Variants in PER3 observed in about 807,000 individuals in gnomAD.
The protein encoded by PER3 is period circadian protein homolog 3.
Under a neutral mutation model 127.2 loss-of-function variants are expected in PER3, and 107 were observed. The ratio of observed to expected loss-of-function variants is 0.84; its 90% confidence interval spans 0.72 to 0.99. The LOEUF (loss-of-function observed/expected upper bound fraction) is 0.99. Among genes scored for constraint, PER3 ranks in the 50% least tolerant of loss-of-function variants. The pLI is 0.00. For synonymous variants in PER3, 618 were observed against 585.8 expected (o/e 1.05, Z -0.79); for missense variants, 1,560 against 1,525.8 (o/e 1.02, Z -0.37).
rs145634546 is a variant in PER3 at position 7,794,479 on chromosome 1, G to A, written c.644+471G>A. 5.6e-3 allele frequency among the ~76,000 whole-genome samples: 855 copies of A among 152,082 alleles called. 8 individuals carry two copies. Among genetic ancestry groups the A allele is most frequent in the African/African-American group, 0.02 (821 of 41,486 alleles). On this transcript the variant is annotated intron_variant, in intron 6 of 21. Transcript: ENST00000377532. ...TTGCACTCCAGCCTGGCAACAGAGCGAGACTCTGTCTCAAAAAAAATAAAA... is the reference window on the plus strand; with the variant it reads ...TTGCACTCCAGCCTGGCAACAGAGCAAGACTCTGTCTCAAAAAAAATAAAA...
At chr1:7,789,716 C>T (rs1577629024) in intron 5 of PER3, among the ~76,000 whole-genome samples, 1 of 152,160 alleles carries the variant, frequency 6.6e-6, no homozygotes, top group African/African-American at 2.4e-5. Context: ...GAAATTCTAT[C>T]TACTATTTCT....
At position 7,797,636 on chromosome 1, in the gene PER3, T is replaced by TAA. The variant is rs34920317; in HGVS notation, c.645-874_645-873dup. Among the ~76,000 whole-genome samples, 32 of 126,674 alleles carry TAA rather than the reference T, an allele frequency of 2.5e-4. 1 individual carries two copies. The South Asian group carries it at 5.3e-3, about 21-fold the overall frequency. The allele number at this position is 126,674 out of a possible 152,430, so 83.1% of individuals were successfully genotyped here. A position where few individuals can be genotyped will look rare whatever the true frequency, so the allele number is the denominator to read the frequency against. On this transcript the variant is annotated intron_variant, in intron 6 of 21. Transcript: ENST00000377532. Reference sequence around the variant, plus strand: ...GGGCAACAGAGCGAGACTCCGTCTTTAAAAAAAAAAAAAAAAGAAAAAAAA... The same window carrying TAA: ...GGGCAACAGAGCGAGACTCCGTCTTTAAAAAAAAAAAAAAAAAAGAAAAAAAA...
At chr1:7,801,285 G>A (rs488728) in intron 8 of PER3, 94 bp downstream of exon 8, 427,178 of 707,006 alleles carry the variant, frequency 0.6, 132,120 homozygotes, top group Admixed American at 0.72. Context: ...TATACATTAT[G>A]TAATTGAAAT....
chr1:7,810,972 A>G (rs1327005236), intron 13 of PER3, among the ~76,000 whole-genome samples: 2 of 152,204 alleles, frequency 1.3e-5, no homozygotes, highest in Non-Finnish European at 2.9e-5. Context: ...TGTCATTTCA[A>G]ACAGAAAATC....
Position 7,844,059 on chromosome 1 carries a change from G to A in PER3, c.*1304G>A, listed in dbSNP as rs573297984. 2 of 836,246 alleles carry A rather than the reference G, an allele frequency of 2.4e-6. No homozygotes were observed. Among genetic ancestry groups the A allele is most frequent in the Non-Finnish European group, 3.0e-6 (2 of 656,662 alleles). The allele number at this position is 836,246 out of a possible 1,614,324, so 51.8% of individuals were successfully genotyped here. A position where few individuals can be genotyped will look rare whatever the true frequency, so the allele number is the denominator to read the frequency against. On this transcript the variant is annotated 3_prime_UTR_variant, in exon 22 of 22. Transcript: ENST00000377532. ...TTTTTTTTTCCTTTTTTTGTTTTTG[G>A]TTTTTTATGGTTTTTTAAGGAAAAT...
chr1:7,788,389 T>C, intron 5 of PER3, 143 bp downstream of exon 5: 1 of 628,570 alleles, frequency 1.6e-6, no homozygotes, highest in Non-Finnish European at 2.8e-6. Context: ...AGTCACGTGA[T>C]GAAAACAGCA....
chr1:7,810,647 C>T (rs1032222491), intron 13 of PER3, 59 bp downstream of exon 13: 84 of 1,484,454 alleles, frequency 5.7e-5, no homozygotes, highest in African/African-American at 1.7e-4. Context: ...TCTGCATAGA[C>T]GTCATGTATG....
Position 7,830,787 on chromosome 1 carries a change from C to T in PER3, c.3214+626C>T, listed in dbSNP as rs370319295. On this transcript the variant is annotated intron_variant, in intron 19 of 21. Transcript: ENST00000377532. ...TTGTTGAAAATAACTTGACCATACA[C>T]GTGTGGGTGTATTTCTGGACTCTCT... Among the ~76,000 whole-genome samples the T allele has an allele frequency of 1.9e-4, 29 of 152,272 alleles. No homozygotes were observed. The South Asian group carries it at 5.6e-3, about 29-fold the overall frequency.
intron 15 of PER3, 92 bp downstream of exon 15, chr1:7,820,331 A>G (rs2097270390): frequency 6.8e-7 from 1 of 1,466,844 alleles, no homozygotes; most frequent in African/African-American, 1.4e-5. Flanking sequence ...ATAAGCATAA[A>G]ATTCTGGTTT....
In PER3 at chr1:7,835,775, C is replaced by T; in HGVS notation, c.3228C>T (p.Ser1076=). The change falls in exon 20 of 22, where the codon AGC becomes AGT. Residue 1076 remains serine (S), a synonymous_variant. Transcript: ENST00000377532. ...TGSAASGSSD[S]SIYLTSSVYS... Reference sequence around the variant, plus strand: ...GATTTTTGACAGGAAGCAGCGACAGCAGTATATACCTTACTAGTAGTGTTT... The same window carrying T: ...GATTTTTGACAGGAAGCAGCGACAGTAGTATATACCTTACTAGTAGTGTTT... 6.2e-7 allele frequency: 1 copy of T among 1,603,748 alleles called. No individual in the cohort carries two copies. Among genetic ancestry groups the T allele is most frequent in the Non-Finnish European group, 8.5e-7 (1 of 1,173,800 alleles).
intron 7 of PER3, 101 bp downstream of exon 7, chr1:7,798,774 TCCAATTTGAC>T (rs930163734): frequency 2.2e-6 from 2 of 918,664 alleles, no homozygotes; most frequent in African/African-American, 1.7e-5. Context: ...CTCTTGGGTC[TCCAATTTGAC>T]CCTTAAACTC....
Position 7,796,387 on chromosome 1 carries a change from C to T in PER3, c.645-2138C>T, listed in dbSNP as rs566808581. ...AAGCTGGAGTGCAGTGGCACGATCT[C>T]GGCTCACTGCAATCTCTGCCTCCTG... On this transcript the variant is annotated intron_variant, in intron 6 of 21. Transcript: ENST00000377532. 6.9e-5 allele frequency among the ~76,000 whole-genome samples: 10 copies of T among 145,570 alleles called. No homozygotes were observed. In the East Asian group the frequency reaches 8.3e-4, roughly 12 times the overall value.
intron 6 of PER3, among the ~76,000 whole-genome samples, chr1:7,797,411 G>A (rs545410992): frequency 1.3e-5 from 2 of 152,268 alleles, no homozygotes; most frequent in Non-Finnish European, 2.9e-5. Context: ...AAGGTGGGCT[G>A]ATCACCTGAG....
Position 7,820,356 on chromosome 1 carries a change from A to T in PER3, c.1784-111A>T. 4 of 1,399,632 alleles carry T rather than the reference A, an allele frequency of 2.9e-6. No individual in the cohort carries two copies. In the South Asian group the frequency reaches 5.5e-5, roughly 19 times the overall value. The allele number at this position is 1,399,632 out of a possible 1,614,324, so 86.7% of individuals were successfully genotyped here. ...AATTCTGGTTTCATATTACCTCTTTATGACAGTAAGGTTTAATTTCTCAGT... is the reference window on the plus strand; with the variant it reads ...AATTCTGGTTTCATATTACCTCTTTTTGACAGTAAGGTTTAATTTCTCAGT... On this transcript the variant is annotated intron_variant, in intron 15 of 21. Transcript: ENST00000377532.
Position 7,827,618 on chromosome 1 carries a change from CCAA to C in PER3, c.2691_2693del (p.Thr898del). 4.3e-6 allele frequency: 7 copies of C among 1,614,210 alleles called. No individual in the cohort carries two copies. Among genetic ancestry groups the C allele is most frequent in the Non-Finnish European group, 5.9e-6 (7 of 1,180,026 alleles). On this transcript the variant is annotated inframe_deletion, in exon 18 of 22. Transcript: ENST00000377532. Reference sequence around the variant, plus strand: ...ACCCTCAATGTCGTCAGCAATGAGTCCAACTCTGGACCCACCCCCTTCAGTCAC... The same window carrying C: ...ACCCTCAATGTCGTCAGCAATGAGTCCTCTGGACCCACCCCCTTCAGTCAC...
At chr1:7,836,003 T>C in intron 20 of PER3, 58 bp downstream of exon 20, 1 of 1,267,294 alleles carries the variant, frequency 7.9e-7, no homozygotes, top group Non-Finnish European at 1.1e-6. Context: ...TTTTTTTCTT[T>C]TTTTTCTTTT....
chr1:7,792,838 A>C (rs1376629587), intron 5 of PER3, among the ~76,000 whole-genome samples: 2 of 152,234 alleles, frequency 1.3e-5, no homozygotes, highest in Non-Finnish European at 2.9e-5. Context: ...ATGGAAATGC[A>C]TTGTGGGTGC....
At chr1:7,818,579 C>G (rs2097261969) in intron 13 of PER3, among the ~76,000 whole-genome samples, 1 of 152,176 alleles carries the variant, frequency 6.6e-6, no homozygotes, top group Admixed American at 6.6e-5. Flanking sequence ...CCTTTATTGG[C>G]TCATTGTCCT....
At chr1:7,835,988 GTTTC>G (rs769550986) in intron 20 of PER3, 43 bp downstream of exon 20, 2 of 1,391,922 alleles carry the variant, frequency 1.4e-6, no homozygotes, top group Non-Finnish European at 9.9e-7. Flanking sequence ...TATTTTTGTG[GTTTC>G]TTTTTTTCTT....
Sources: gnomAD v4.1 joint callset for allele counts (sites outside exome capture counted in the v4.1 genomes callset) on GRCh38, gnomAD v4.1.1 for gene constraint, MANE v1.5 for transcripts, NCBI Gene and HGNC (gene_info 2026-07-23, HGNC 2026-07-21) for gene names.